NADSYN1: variants seen among roughly 807,000 people sequenced by gnomAD.
NADSYN1 encodes the protein glutamine-dependent NAD(+) synthetase.
Under a neutral mutation model 99.3 loss-of-function variants are expected in NADSYN1, and 80 were observed. The observed-to-expected ratio is 0.81, with a 90% CI of 0.67 to 0.97. The LOEUF (loss-of-function observed/expected upper bound fraction) is 0.97, where lower values mean the gene tolerates loss of function less well. NADSYN1 is among the 50% of genes least tolerant of loss of function. NADSYN1 has a pLI of 0.00. For synonymous variants in NADSYN1, 385 were observed against 372.1 expected (o/e 1.03, Z -0.40); for missense variants, 859 against 948.5 (o/e 0.91, Z 1.24).
chr11:71,478,332 A>T (rs1949683347), intron 9 of NADSYN1, 63 bp from the exon 10 acceptor site: 1 of 1,407,276 alleles, frequency 7.1e-7, no homozygotes, highest in South Asian at 1.2e-5. Flanking sequence ...ACAGTGGCCA[A>T]ATTACACGTG....
intron 5 of NADSYN1, among the ~76,000 whole-genome samples, chr11:71,468,214 A>G (rs776020350): frequency 2.0e-4 from 31 of 152,244 alleles, no homozygotes; most frequent in Non-Finnish European, 4.1e-4. Context: ...CTGAACATGT[A>G]CGTTAGGCAG....
At position 71,463,483 on chromosome 11, in the gene NADSYN1, C is replaced by T. The variant is rs1279905295; in HGVS notation, c.315C>T (p.Asn105=). The change falls in exon 4 of 21, where the codon AAC becomes AAT. Residue 105 remains asparagine (N), a splice_region_variant and synonymous_variant. Transcript: ENST00000319023. ...ACAACTGCAGAGTGATATTCCTCAA[C>T]AGGTAGGCCCCCTGCCCCCACCCCG... The part of the protein sequence containing the change: ...VRYNCRVIFL[N]RKILLIRPKM... 6.2e-7 allele frequency: 1 copy of T among 1,613,886 alleles called. No homozygotes were observed. Among genetic ancestry groups the T allele is most frequent in the Non-Finnish European group, 8.5e-7 (1 of 1,179,824 alleles).
chr11:71,474,749 G>A (rs1949653524), intron 9 of NADSYN1: 2 of 527,746 alleles, frequency 3.8e-6, no homozygotes, highest in East Asian at 3.5e-5. Flanking sequence ...CTGTAAGCCG[G>A]GTGCTTAGTG....
chr11:71,492,405 G>A (rs1179936936), intron 18 of NADSYN1, among the ~76,000 whole-genome samples: 3 of 152,060 alleles, frequency 2.0e-5, no homozygotes, highest in Non-Finnish European at 2.9e-5. Flanking sequence ...TCTAGTTTTC[G>A]TCCTTACATT....
At chr11:71,467,992 G>A (rs1540127) in intron 5 of NADSYN1, among the ~76,000 whole-genome samples, 42,750 of 151,984 alleles carry the variant, frequency 0.28, 6,516 homozygotes, top group South Asian at 0.46. Context: ...CAAATTGCCC[G>A]CAGAGATTCA....
intron 3 of NADSYN1, among the ~76,000 whole-genome samples, 178 bp from the exon 4 acceptor site, chr11:71,463,254 G>A (rs934340978): frequency 3.3e-5 from 5 of 152,134 alleles, no homozygotes; most frequent in African/African-American, 1.2e-4. Context: ...GAACCATCTC[G>A]GCTCCTTTTA....
At chr11:71,501,279 G>T in intron 20 of NADSYN1, 23 bp from the exon 21 acceptor site, 2 of 1,546,748 alleles carry the variant, frequency 1.3e-6, no homozygotes, top group African/African-American at 1.4e-5. Context: ...CGGGGCTGTG[G>T]TGTCACAGGC....
intron 20 of NADSYN1, among the ~76,000 whole-genome samples, chr11:71,500,382 A>ACC (rs11451410): frequency 0.076 from 11,619 of 152,070 alleles, 654 homozygotes; most frequent in South Asian, 0.16. Flanking sequence ...GGGACCGTTG[A>ACC]CCCCCCGAGG....
chr11:71,487,793 T>G (rs1949751795), intron 16 of NADSYN1, among the ~76,000 whole-genome samples: 2 of 131,170 alleles, frequency 1.5e-5, no homozygotes, highest in South Asian at 4.5e-4. Context: ...TTCGCGCCAC[T>G]GCACTCCAGC....
chr11:71,486,467 CCACCCACT>C (rs987389571), intron 16 of NADSYN1, among the ~76,000 whole-genome samples: 1 of 151,972 alleles, frequency 6.6e-6, no homozygotes, highest in Non-Finnish European at 1.5e-5. Flanking sequence ...GTCCATCCAC[CCACCCACT>C]CACCCACTCA....
chr11:71,499,903 G>GTGC (rs1429598983), intron 20 of NADSYN1: 5 of 152,248 alleles, frequency 3.3e-5, no homozygotes, highest in African/African-American at 1.2e-4. Context: ...AAACGTGGTG[G>GTGC]TGCACACCTG....
intron 5 of NADSYN1, among the ~76,000 whole-genome samples, chr11:71,470,493 C>G (rs1197341881): frequency 6.6e-6 from 1 of 152,204 alleles, no homozygotes; most frequent in Non-Finnish European, 1.5e-5. Context: ...TTTTAATATC[C>G]TTTAATTACA....
intron 5 of NADSYN1, among the ~76,000 whole-genome samples, chr11:71,471,312 G>A (rs769032241): frequency 2.0e-5 from 3 of 152,224 alleles, no homozygotes; most frequent in Non-Finnish European, 4.4e-5. Context: ...TGTGCCGAAT[G>A]ATGACAAGAA....
At position 71,482,979 on chromosome 11, in the gene NADSYN1, G is replaced by A. The variant is rs376665704; in HGVS notation, c.1281G>A (p.Thr427=). Residue 427 remains threonine, a synonymous_variant, in exon 14 of 21, where the codon ACG becomes ACA. Transcript: ENST00000319023. The stretch of plus-strand genomic sequence containing the variant: ...CCAGCAAGAACTCCTCCCAGGAGAC[G>A]TGCACCCGGGCCAGAGAGTTGGCCC... ...YMASKNSSQE[T]CTRARELAQQ... The A allele has an allele frequency of 2.6e-5, 42 of 1,612,456 alleles. 1 individual carries two copies. Among genetic ancestry groups the A allele is most frequent in the South Asian group, 1.4e-4 (13 of 91,018 alleles).
chr11:71,500,382 A>C (rs1591139187), intron 20 of NADSYN1, among the ~76,000 whole-genome samples: 1 of 151,972 alleles, frequency 6.6e-6, no homozygotes, highest in Non-Finnish European at 1.5e-5. Context: ...GGGACCGTTG[A>C]CCCCCCGAGG....
chr11:71,461,267 A>C (rs1324723077), intron 3 of NADSYN1, among the ~76,000 whole-genome samples: 1 of 152,126 alleles, frequency 6.6e-6, no homozygotes, highest in Non-Finnish European at 1.5e-5. Context: ...TAGAGATCAG[A>C]TATTCACGGA....
chr11:71,488,753 A>G (rs547711941), intron 16 of NADSYN1, among the ~76,000 whole-genome samples: 3 of 152,156 alleles, frequency 2.0e-5, no homozygotes, highest in East Asian at 1.9e-4. Flanking sequence ...GGCTCAAACA[A>G]TCCTCCCACC....
In NADSYN1 at chr11:71,498,722, A is replaced by G. The variant is rs747034553; in HGVS notation, c.2070+194A>G. 2.9e-4 allele frequency: 158 copies of G among 551,520 alleles called. 1 individual carries two copies. Among genetic ancestry groups the G allele is most frequent in the South Asian group, 6.4e-4 (29 of 45,308 alleles). 34.2% of individuals were successfully genotyped at this position (551,520 alleles called of 1,614,324 possible). Reference sequence around the variant, plus strand: ...TTTCGTGTTGACAAATAAAAATTCTATATATTGATGGTGTCCAACATGACA... The same window carrying G: ...TTTCGTGTTGACAAATAAAAATTCTGTATATTGATGGTGTCCAACATGACA... On this transcript the variant is annotated intron_variant, in intron 20 of 20. Coordinates refer to ENST00000319023, the MANE Select transcript of NADSYN1 (RefSeq NM_018161.5).
In NADSYN1 at chr11:71,474,513, C is replaced by G; in HGVS notation, c.785C>G (p.Ser262Cys). ...GSVFAQGSQF[S>C]LDDVEVLTAT... ...GTCTTTGCTCAAGGATCCCAGTTTT[C>G]TCTGGATGACGTGGTAATGAGCGGG... The change falls in exon 9 of 21, where the codon TCT becomes TGT. Residue 262 changes from serine to cysteine, a missense_variant. By Grantham distance (112) the Ser-to-Cys change is moderately radical. Coordinates refer to ENST00000319023, the MANE Select transcript of NADSYN1 (RefSeq NM_018161.5). 6.2e-7 allele frequency: 1 copy of G among 1,614,202 alleles called. No homozygotes were observed. The highest frequency in any genetic ancestry group is 8.5e-7 in the Non-Finnish European group (1 of 1,180,022).
Sources: allele counts gnomAD v4.1 joint callset (sites outside exome capture counted in the v4.1 genomes callset), GRCh38; gene constraint gnomAD v4.1.1; transcripts MANE v1.5; gene names NCBI Gene and HGNC (gene_info 2026-07-23, HGNC 2026-07-21).